Variants in MAF observed in about 807,000 individuals in gnomAD.
MAF encodes the protein transcription factor Maf.
Under a neutral mutation model 22.0 loss-of-function variants are expected in MAF, and 10 were observed. The observed-to-expected ratio is 0.45, with a 90% confidence interval of 0.28 to 0.77. The LOEUF (loss-of-function observed/expected upper bound fraction) is 0.77, where lower values mean the gene tolerates loss of function less well. MAF is among the 30% of genes least tolerant of loss of function. The pLI is 0.12. For synonymous variants in MAF, 337 were observed against 255.8 expected, an observed-to-expected ratio of 1.32 and a Z score of -3.03; for missense variants, 544 against 548.4, an observed-to-expected ratio of 0.99 and a Z score of 0.08.
At chr16:79,378,443 T>C in the MAF span, among the ~76,000 whole-genome samples, 1 of 152,216 alleles carries the variant, frequency 6.6e-6, no homozygotes, top group Admixed American at 6.5e-5. Flanking sequence ...TTCTGTTTCT[T>C]GATCTGAGGC....
chr16:79,411,246 C>T, the MAF span, among the ~76,000 whole-genome samples: 4 of 151,840 alleles, frequency 2.6e-5, no homozygotes, highest in Non-Finnish European at 5.9e-5. Context: ...TATTTTTTGT[C>T]CCTCAAGCAT....
chr16:79,385,387 A>G, the MAF span, among the ~76,000 whole-genome samples: 1 of 152,226 alleles, frequency 6.6e-6, no homozygotes, highest in Admixed American at 6.5e-5. Flanking sequence ...TTTAAAATTC[A>G]TTTCATTTTT....
chr16:79,434,741 A>G, the MAF span, among the ~76,000 whole-genome samples: 1 of 152,116 alleles, frequency 6.6e-6, no homozygotes, highest in Non-Finnish European at 1.5e-5. Context: ...ATTAAAGATT[A>G]TATGATAGAA....
chr16:79,474,233 T>C, the MAF span, among the ~76,000 whole-genome samples: 4 of 152,192 alleles, frequency 2.6e-5, no homozygotes, highest in Admixed American at 2.6e-4. Flanking sequence ...TAGAAGAAAA[T>C]GATCCTGCTG....
the MAF span, among the ~76,000 whole-genome samples, chr16:79,521,497 T>A: frequency 6.6e-6 from 1 of 152,252 alleles, no homozygotes; most frequent in East Asian, 1.9e-4. Context: ...GGGTTCTTCC[T>A]GTGGTGGACT....
At chr16:79,206,450 C>CCA in the MAF span, 1 of 152,186 alleles carries the variant, frequency 6.6e-6, no homozygotes, top group East Asian at 1.9e-4. Context: ...GTAGGCTTCT[C>CCA]TCTAAATAAA....
At chr16:79,362,580 A>G in the MAF span, among the ~76,000 whole-genome samples, 2 of 152,260 alleles carry the variant, frequency 1.3e-5, no homozygotes, top group Non-Finnish European at 2.9e-5. Context: ...CGAATGAACT[A>G]TAGGCACGAA....
chr16:79,338,623 G>A, the MAF span, among the ~76,000 whole-genome samples: 1 of 152,004 alleles, frequency 6.6e-6, no homozygotes, highest in African/African-American at 2.4e-5. Flanking sequence ...GATGACAGAA[G>A]AGAATAAACA....
the MAF span, among the ~76,000 whole-genome samples, chr16:79,456,021 A>G: frequency 6.6e-6 from 1 of 152,178 alleles, no homozygotes; most frequent in South Asian, 2.1e-4. Context: ...CTCTCAAAAT[A>G]AATAAATATT....
At chr16:79,254,445 A>AT in the MAF span, among the ~76,000 whole-genome samples, 2 of 152,068 alleles carry the variant, frequency 1.3e-5, no homozygotes, top group East Asian at 3.8e-4. Flanking sequence ...TTTGTTTGCA[A>AT]TTTTTACCAT....
the MAF span, among the ~76,000 whole-genome samples, chr16:79,268,232 C>A: frequency 6.6e-6 from 1 of 152,266 alleles, no homozygotes; most frequent in African/African-American, 2.4e-5. Context: ...CCCACAAACA[C>A]CGGAATTGTG....
chr16:79,240,431 C>G, the MAF span, among the ~76,000 whole-genome samples: 1 of 145,752 alleles, frequency 6.9e-6, no homozygotes, highest in African/African-American at 2.5e-5. Flanking sequence ...TCATCTTCCC[C>G]CTCTCCTACC....
the MAF span, among the ~76,000 whole-genome samples, chr16:79,491,533 C>A: frequency 1.3e-5 from 2 of 152,170 alleles, no homozygotes; most frequent in Non-Finnish European, 2.9e-5. Context: ...AAATCAATCA[C>A]CAACATCCCA....
chr16:79,472,144 A>T, the MAF span, among the ~76,000 whole-genome samples: 1 of 152,182 alleles, frequency 6.6e-6, no homozygotes, highest in Non-Finnish European at 1.5e-5. Flanking sequence ...GGAAATATTT[A>T]GATGACTCAA....
At chr16:79,211,631 G>T in the MAF span, 1 of 1,614,178 alleles carries the variant, frequency 6.2e-7, no homozygotes, top group Non-Finnish European at 8.5e-7. Flanking sequence ...CCACCACCGT[G>T]TACTGTGCTG....
the MAF span, among the ~76,000 whole-genome samples, chr16:79,392,742 C>G: frequency 2.8e-3 from 421 of 152,232 alleles, no homozygotes; most frequent in African/African-American, 9.7e-3. Flanking sequence ...GTAGGTAGCC[C>G]AGTAGGACCA....
intron 1 of MAF, 62 bp downstream of exon 1, chr16:79,598,723 C>A: frequency 1.9e-6 from 3 of 1,608,260 alleles, no homozygotes; most frequent in Non-Finnish European, 2.5e-6. Flanking sequence ...AGCCCACACC[C>A]GAGCCGGACC....
At chr16:79,337,555 G>A in the MAF span, among the ~76,000 whole-genome samples, 1 of 100,154 alleles carries the variant, frequency 1.0e-5, no homozygotes, top group Non-Finnish European at 2.1e-5. Context: ...ATGACAGAGC[G>A]AGATTCCGTC....
At chr16:79,229,868 C>G in the MAF span, among the ~76,000 whole-genome samples, 1 of 152,058 alleles carries the variant, frequency 6.6e-6, no homozygotes, top group African/African-American at 2.4e-5. Flanking sequence ...TTCTGCGGCT[C>G]TGAGCTTGCT....
Sources: gnomAD v4.1 joint callset for allele counts (sites outside exome capture counted in the v4.1 genomes callset) on GRCh38, gnomAD v4.1.1 for gene constraint, MANE v1.5 for transcripts, NCBI Gene and HGNC (gene_info 2026-07-23, HGNC 2026-07-21) for gene names.